SGK1: variants seen among roughly 807,000 people sequenced by gnomAD.
SGK1 encodes the protein serum/glucocorticoid regulated kinase 1, also known as serine/threonine-protein kinase Sgk1.
In SGK1, 26 loss-of-function variants were observed where a neutral mutation model predicts 64.2. The observed-to-expected ratio is 0.40, with a 90% CI of 0.30 to 0.56. The LOEUF is 0.56. SGK1 is among the 20% of genes least tolerant of loss of function. The pLI is 0.38. For synonymous variants in SGK1, 265 were observed against 239.7 expected, an observed-to-expected ratio of 1.11 and a Z score of -0.98; for missense variants, 519 against 645.6, an observed-to-expected ratio of 0.80 and a Z score of 2.12.
intron 3 of SGK1, among the ~76,000 whole-genome samples, chr6:134,182,700 G>A (rs1318692007): frequency 6.6e-6 from 1 of 152,186 alleles, no homozygotes; most frequent in Non-Finnish European, 1.5e-5. Flanking sequence ...CACTTGCACA[G>A]CATGGGCCAC....
At chr6:134,302,312 T>A (rs1294210606) in intron 1 of SGK1, among the ~76,000 whole-genome samples, 1 of 152,234 alleles carries the variant, frequency 6.6e-6, no homozygotes, top group Non-Finnish European at 1.5e-5. Flanking sequence ...TTTAATGAGA[T>A]CCTGCGCAAA....
In SGK1 at chr6:134,269,139, TAG is replaced by T. The variant is rs756297893; in HGVS notation, c.70-6993_70-6992del. Among the ~76,000 whole-genome samples the T allele has an allele frequency of 8.1e-5, 12 of 147,476 alleles. 1 individual carries two copies. Among genetic ancestry groups the T allele is most frequent in the Non-Finnish European group, 1.8e-4 (12 of 66,674 alleles). On this transcript the variant is annotated intron_variant, in intron 1 of 13. Coordinates refer to ENST00000367858, the MANE Select transcript of SGK1 (RefSeq NM_001143676.3). ...GATATCAACCGATACAGGAAAATTATAGAGAGTTTAGGTACTTAGGTGTGAAC... is the reference window on the plus strand; with the variant it reads ...GATATCAACCGATACAGGAAAATTATAGAGTTTAGGTACTTAGGTGTGAAC...
chr6:134,284,759 C>T (rs768543525), intron 1 of SGK1, among the ~76,000 whole-genome samples: 3 of 152,310 alleles, frequency 2.0e-5, no homozygotes, highest in Non-Finnish European at 4.4e-5. Flanking sequence ...TCTGAGATTA[C>T]AGGCATGAGC....
At chr6:134,258,433 G>A (rs573747947) in intron 2 of SGK1, among the ~76,000 whole-genome samples, 2 of 152,218 alleles carry the variant, frequency 1.3e-5, no homozygotes, top group Admixed American at 6.5e-5. Flanking sequence ...CACCTGGCAT[G>A]GTGGCTCACA....
At chr6:134,175,003 T>G in intron 3 of SGK1, 1 of 1,135,822 alleles carries the variant, frequency 8.8e-7, no homozygotes. Context: ...GCGGCTACGC[T>G]GCCTGCGGCG....
chr6:134,290,792 T>G (rs1028895961), intron 1 of SGK1, among the ~76,000 whole-genome samples: 1 of 152,126 alleles, frequency 6.6e-6, no homozygotes, highest in Non-Finnish European at 1.5e-5. Flanking sequence ...GCCACAGAAG[T>G]CTCTGGGCCA....
intron 1 of SGK1, 39 bp from the exon 2 acceptor site, chr6:134,262,187 G>T: frequency 7.0e-7 from 1 of 1,424,296 alleles, no homozygotes; most frequent in Non-Finnish European, 9.6e-7. Context: ...AAATGTGTTT[G>T]ACTCCCTTTG....
chr6:134,216,172 T>C (rs1775978376), intron 2 of SGK1, among the ~76,000 whole-genome samples: 1 of 152,180 alleles, frequency 6.6e-6, no homozygotes, highest in African/African-American at 2.4e-5. Flanking sequence ...ATATAAAATA[T>C]GGGTTTGTCT....
Position 134,232,429 on chromosome 6 carries a change from A to AGAGAGAGAGAG in SGK1, c.286-24999_286-24998insCTCTCTCTCTC, listed in dbSNP as rs1562259737. On this transcript the variant is annotated intron_variant, in intron 2 of 13. Coordinates refer to ENST00000367858, the MANE Select transcript of SGK1 (RefSeq NM_001143676.3). ...AGAAAGAAAGAGAAAGAAAGAAAGA[A>AGAGAGAGAGAG]AGAAAGAAAGAAAGAAAGAAAGAAA... Among the ~76,000 whole-genome samples the AGAGAGAGAGAG allele has an allele frequency of 7.1e-4, 40 of 56,332 alleles. 1 individual carries two copies. The highest frequency in any genetic ancestry group is 3.9e-3 in the African/African-American group (34 of 8,738). The allele number at this position is 56,332 out of a possible 152,430, so 37.0% of individuals were successfully genotyped here.
chr6:134,178,273 CAT>C (rs1775279227), intron 3 of SGK1, among the ~76,000 whole-genome samples: 1 of 152,162 alleles, frequency 6.6e-6, no homozygotes, highest in Admixed American at 6.5e-5. Flanking sequence ...CTAAACTTAT[CAT>C]TTAACCGAGA....
In SGK1 at chr6:134,174,423, G is replaced by A. The variant is rs954039607; in HGVS notation, c.437+88C>T. ...GATCCCCACCCCAGAAGAAGTCTTC[G>A]CCTTCCCGATAAACGCCGTGATGAG... On this transcript the variant is annotated intron_variant, in intron 4 of 13. Transcript: ENST00000367858. The A allele has an allele frequency of 2.6e-5, 24 of 920,632 alleles. No homozygotes were observed. The African/African-American group carries it at 3.5e-4, about 13-fold the overall frequency. The allele number at this position is 920,632 out of a possible 1,614,324, so 57.0% of individuals were successfully genotyped here. A position where few individuals can be genotyped will look rare whatever the true frequency, so the allele number is the denominator to read the frequency against.
At position 134,297,806 on chromosome 6, in the gene SGK1, C is replaced by T. The variant is rs1270005274; in HGVS notation, c.69+19586G>A. ...GTGAGCCACTGCGCCCGGCCTAGAT[C>T]TCAGTCTTTGTATGCTGCAGGTCAT... is the stretch of plus-strand genomic sequence containing the variant. On this transcript the variant is annotated intron_variant, in intron 1 of 13. Coordinates refer to ENST00000367858, the MANE Select transcript of SGK1 (RefSeq NM_001143676.3). 1.3e-4 allele frequency: 84 copies of T among 639,620 alleles called. No individual in the cohort carries two copies. In the East Asian group the frequency reaches 2.5e-3, roughly 19 times the overall value. 39.6% of individuals were successfully genotyped at this position (639,620 alleles called of 1,614,324 possible). A position where few individuals can be genotyped will look rare whatever the true frequency, so the allele number is the denominator to read the frequency against.
chr6:134,266,556 A>G (rs1256028755), intron 1 of SGK1, among the ~76,000 whole-genome samples: 1 of 152,128 alleles, frequency 6.6e-6, no homozygotes, highest in African/African-American at 2.4e-5. Context: ...CAGAGGTTGC[A>G]GTGAGCCTGA....
At chr6:134,214,172 C>T (rs569786278) in intron 2 of SGK1, among the ~76,000 whole-genome samples, 105 of 152,024 alleles carry the variant, frequency 6.9e-4, no homozygotes, top group African/African-American at 2.4e-3. Context: ...CCTCCCACCT[C>T]GGCCTCCTAA....
At chr6:134,255,069 C>G (rs928473553) in intron 2 of SGK1, among the ~76,000 whole-genome samples, 1 of 152,056 alleles carries the variant, frequency 6.6e-6, no homozygotes. Context: ...AGGGTTTCAC[C>G]ATGTTGGCCA....
At chr6:134,270,338 C>G (rs1198198310) in intron 1 of SGK1, among the ~76,000 whole-genome samples, 2 of 146,896 alleles carry the variant, frequency 1.4e-5, no homozygotes, top group Non-Finnish European at 3.0e-5. Context: ...CCAACTGGAT[C>G]ATAAGCATGA....
intron 3 of SGK1, among the ~76,000 whole-genome samples, chr6:134,177,373 TTTG>T (rs1775261393): frequency 6.6e-6 from 1 of 152,232 alleles, no homozygotes; most frequent in Non-Finnish European, 1.5e-5. Flanking sequence ...AGAATGTGAC[TTTG>T]TTATTGCCAG....
intron 4 of SGK1, 162 bp from the exon 5 acceptor site, chr6:134,174,242 C>T (rs1392967821): frequency 4.9e-6 from 3 of 610,810 alleles, no homozygotes; most frequent in Admixed American, 6.3e-5. Flanking sequence ...TAATAAACCC[C>T]ATTAAATACA....
At chr6:134,206,279 C>A (rs1217930302) in intron 3 of SGK1, among the ~76,000 whole-genome samples, 1 of 143,904 alleles carries the variant, frequency 6.9e-6, no homozygotes, top group Non-Finnish European at 1.5e-5. Flanking sequence ...CAAATAGACT[C>A]ATTCCTCATT....
Sources: allele counts gnomAD v4.1 joint callset (sites outside exome capture counted in the v4.1 genomes callset), GRCh38; gene constraint gnomAD v4.1.1; transcripts MANE v1.5; gene names NCBI Gene and HGNC (gene_info 2026-07-23, HGNC 2026-07-21).